Variants in STPG2 observed in about 807,000 individuals in gnomAD.
STPG2 encodes the protein sperm-tail PG-rich repeat-containing protein 2.
STPG2 carries 56 observed loss-of-function variants against 54.2 expected under a neutral mutation model. That is an observed-to-expected ratio of 1.03 (90% CI 0.83 to 1.29). The LOEUF is 1.29. Among genes scored for constraint, STPG2 ranks in the 50% most tolerant of loss-of-function variants. The probability of loss-of-function intolerance (pLI) is 0.00; values close to 1 mark genes in which losing one functional copy is unlikely to be tolerated. For synonymous variants in STPG2, 200 were observed against 181.8 expected (o/e 1.10, Z -0.81); for missense variants, 596 against 544.9 (o/e 1.09, Z -0.93).
chr4:97,902,792 G>T (rs1367094548), intron 8 of STPG2, among the ~76,000 whole-genome samples: 1 of 151,992 alleles, frequency 6.6e-6, no homozygotes, highest in African/African-American at 2.4e-5. Context: ...CTTCACTTTT[G>T]GCTATACATC....
chr4:97,598,009 A>T (rs1011739748), intron 10 of STPG2, among the ~76,000 whole-genome samples: 5 of 151,856 alleles, frequency 3.3e-5, no homozygotes, highest in African/African-American at 1.2e-4. Flanking sequence ...AAGCCCCTTG[A>T]TCTGATTTAA....
rs572938259 is a variant in STPG2, at chr4:98,136,155, G to A, written c.110-1696C>T. On this transcript the variant is annotated intron_variant, in intron 1 of 10. Transcript: ENST00000295268. ...GAAGATAAAGGGAAGATATAAAAAA[G>A]ACCCAAATCAAACTTATAAAACAAA... Among the ~76,000 whole-genome samples the A allele has an allele frequency of 3.3e-5, 5 of 151,444 alleles. No individual in the cohort carries two copies. In the East Asian group the frequency reaches 9.7e-4, roughly 29 times the overall value.
intron 7 of STPG2, among the ~76,000 whole-genome samples, chr4:97,958,856 G>A (rs1433393853): frequency 1.3e-5 from 2 of 152,088 alleles, no homozygotes; most frequent in African/African-American, 4.8e-5. Flanking sequence ...TTTAAACTAT[G>A]CCCTATGACA....
chr4:97,938,133 G>T (rs1732819499), intron 8 of STPG2, among the ~76,000 whole-genome samples: 1 of 152,178 alleles, frequency 6.6e-6, no homozygotes, highest in Non-Finnish European at 1.5e-5. Context: ...AGCAGGGATG[G>T]GTCAGGATCT....
chr4:98,080,576 C>T (rs747776669), intron 5 of STPG2, among the ~76,000 whole-genome samples: 2 of 152,166 alleles, frequency 1.3e-5, no homozygotes, highest in African/African-American at 2.4e-5. Flanking sequence ...TACATACACA[C>T]ATATATACAT....
chr4:97,885,816 C>T (rs1287190050), intron 8 of STPG2, among the ~76,000 whole-genome samples: 8 of 151,950 alleles, frequency 5.3e-5, no homozygotes, highest in Admixed American at 3.3e-4. Flanking sequence ...TATTGTGGTA[C>T]AACTGTAAAT....
intron 8 of STPG2, among the ~76,000 whole-genome samples, chr4:97,941,214 C>A (rs533115865): frequency 3.3e-5 from 5 of 151,876 alleles, no homozygotes; most frequent in Admixed American, 1.3e-4. Context: ...GGTTACCCAG[C>A]GACTTTACTC....
At chr4:97,741,561 A>G (rs1341581994) in intron 9 of STPG2, among the ~76,000 whole-genome samples, 1 of 152,200 alleles carries the variant, frequency 6.6e-6, no homozygotes, top group Non-Finnish European at 1.5e-5. Context: ...AAGGACATGA[A>G]CAGACACTTC....
chr4:97,843,874 G>C (rs1277573382), intron 8 of STPG2, among the ~76,000 whole-genome samples: 3 of 151,806 alleles, frequency 2.0e-5, no homozygotes, highest in African/African-American at 7.2e-5. Context: ...ACTCAAGCCT[G>C]ACTGACCTGT....
At chr4:98,016,511 T>C (rs1016475178) in intron 5 of STPG2, among the ~76,000 whole-genome samples, 21 of 152,296 alleles carry the variant, frequency 1.4e-4, no homozygotes, top group African/African-American at 5.0e-4. Flanking sequence ...AGTTCACTGA[T>C]TTTTGTCTCC....
intron 8 of STPG2, among the ~76,000 whole-genome samples, chr4:97,915,580 G>A (rs1731844119): frequency 6.6e-6 from 1 of 152,086 alleles, no homozygotes; most frequent in African/African-American, 2.4e-5. Context: ...CCTTGCCTGA[G>A]GGTAAAGGCA....
intron 10 of STPG2, among the ~76,000 whole-genome samples, chr4:97,598,059 T>C (rs982069465): frequency 1.3e-5 from 2 of 150,568 alleles, no homozygotes; most frequent in Admixed American, 1.3e-4. Context: ...ACAAAAATAA[T>C]GTACAAAATC....
At chr4:97,890,391 C>T (rs1300555355) in intron 8 of STPG2, among the ~76,000 whole-genome samples, 1 of 151,902 alleles carries the variant, frequency 6.6e-6, no homozygotes, top group Non-Finnish European at 1.5e-5. Context: ...GAGTGAAAAG[C>T]ATGCTAGCAA....
intron 4 of STPG2, among the ~76,000 whole-genome samples, chr4:97,446,988 C>T (rs570975512): frequency 7.6e-4 from 115 of 152,216 alleles, no homozygotes; most frequent in Non-Finnish European, 1.3e-3. Flanking sequence ...TTGGAGGGCT[C>T]AGAAGAAGAT....
At chr4:97,722,460 A>G (rs1724478657) in intron 9 of STPG2, among the ~76,000 whole-genome samples, 1 of 152,062 alleles carries the variant, frequency 6.6e-6, no homozygotes, top group African/African-American at 2.4e-5. Flanking sequence ...TCAGAGCCTT[A>G]TGTGTTTGTC....
At chr4:97,782,601 A>G (rs1186915251) in intron 9 of STPG2, among the ~76,000 whole-genome samples, 1 of 152,220 alleles carries the variant, frequency 6.6e-6, no homozygotes, top group Non-Finnish European at 1.5e-5. Flanking sequence ...TGTGAAACGA[A>G]AAAAGCGCCT....
chr4:97,903,391 A>C (rs985411706), intron 8 of STPG2, among the ~76,000 whole-genome samples: 5 of 152,136 alleles, frequency 3.3e-5, no homozygotes, highest in African/African-American at 9.7e-5. Context: ...TAGCTGGAAA[A>C]AATTAAAATT....
intron 1 of STPG2, among the ~76,000 whole-genome samples, chr4:98,139,355 T>C (rs1221449681): frequency 6.6e-6 from 1 of 152,100 alleles, no homozygotes; most frequent in Non-Finnish European, 1.5e-5. Flanking sequence ...GAGAGAACGG[T>C]TGGAAATAAA....
At position 97,847,127 on chromosome 4, in the gene STPG2, T is replaced by A. The variant is rs1024364429; in HGVS notation, c.1045-6195A>T. On this transcript the variant is annotated intron_variant, in intron 8 of 10. Transcript: ENST00000295268. ...AATTTATAGGCTATAAATATAGTTA[T>A]GTTTGCCTAAATATTCAGAAAACTT... is the stretch of plus-strand genomic sequence containing the variant. 3.3e-5 allele frequency among the ~76,000 whole-genome samples: 5 copies of A among 152,282 alleles called. No individual in the cohort carries two copies. In the South Asian group the frequency reaches 1.0e-3, roughly 32 times the overall value.
Sources: allele counts gnomAD v4.1 joint callset (sites outside exome capture counted in the v4.1 genomes callset), GRCh38; gene constraint gnomAD v4.1.1; transcripts MANE v1.5; gene names NCBI Gene and HGNC (gene_info 2026-07-23, HGNC 2026-07-21).